Variants in ERBB2 observed in about 807,000 individuals in gnomAD.
The protein encoded by ERBB2 is erb-b2 receptor tyrosine kinase 2.
In ERBB2, 61 loss-of-function variants were observed where a neutral mutation model predicts 149.0. The observed-to-expected ratio is 0.41, with a 90% CI of 0.33 to 0.51. The LOEUF (loss-of-function observed/expected upper bound fraction) is 0.51, where lower values mean the gene tolerates loss of function less well. Among genes scored for constraint, ERBB2 ranks in the 20% least tolerant of loss-of-function variants. The pLI is 0.25. For synonymous variants in ERBB2, 633 were observed against 678.8 expected, an observed-to-expected ratio of 0.93 and a Z score of 1.05; for missense variants, 1,205 against 1,655.1, an observed-to-expected ratio of 0.73 and a Z score of 4.72.
Position 39,725,267 on chromosome 17 carries a change from C to T in ERBB2, c.2650-60C>T, listed in dbSNP as rs1567913739. On this transcript the variant is annotated intron_variant, in intron 21 of 26. Coordinates refer to ENST00000269571, the MANE Select transcript of ERBB2 (RefSeq NM_004448.4). This position sits in a 1 kb window ranked among gnomAD's most constrained non-coding sequence, Gnocchi z 4.6. ...GAGTGGTGTCTAGCCCATGGGAGAA[C>T]TCTGAGTGGCCACCTCCCCACAACA... 2.5e-6 allele frequency: 4 copies of T among 1,613,180 alleles called. No homozygotes were observed. Among genetic ancestry groups the T allele is most frequent in the Non-Finnish European group, 3.4e-6 (4 of 1,179,284 alleles).
rs2145650942 is a variant in ERBB2 at position 39,715,745 on chromosome 17, C to T, written c.1319C>T (p.Ala440Val). The change falls in exon 12 of 27, where the codon GCC becomes GTC. Residue 440 changes from alanine (A) to valine (V), a missense_variant. Physicochemically the swap from Ala to Val is moderately conservative, Grantham distance 64 (BLOSUM62 0). Transcript: ENST00000269571. ...VIRGRILHNGAYSLTLQGLGI... is the reference protein window; with the variant it reads ...VIRGRILHNGVYSLTLQGLGI... ...TGCCCACCTTTCTCCCATAGTGGCG[C>T]CTACTCGCTGACCCTGCAAGGGCTG... The T allele has an allele frequency of 6.2e-7, 1 of 1,606,244 alleles. No individual in the cohort carries two copies. The highest frequency in any genetic ancestry group is 8.5e-7 in the Non-Finnish European group (1 of 1,179,980).
At chr17:39,700,430 T>C in intron 1 of ERBB2, 119 bp downstream of exon 1, 1 of 852,276 alleles carries the variant, frequency 1.2e-6, no homozygotes. Flanking sequence ...TATCCCGAAG[T>C]TGTGGACAGT....
In ERBB2 at chr17:39,717,309, GC is replaced by G. The variant is rs200189245; in HGVS notation, c.1738-3del. On this transcript the variant is annotated splice_polypyrimidine_tract_variant and intron_variant, in intron 14 of 26. Coordinates refer to ENST00000269571, the MANE Select transcript of ERBB2 (RefSeq NM_004448.4). ...TGCCAGCCCCCCACAAATCTTTTCT[GC>G]CCCCCCCAGGAGGCTGACCAGTGTG... 8.7e-5 allele frequency: 138 copies of G among 1,581,818 alleles called. 1 individual carries two copies. Among genetic ancestry groups the G allele is most frequent in the Middle Eastern group, 2.3e-4 (1 of 4,398 alleles).
At chr17:39,719,582 G>A (rs909922712) in intron 15 of ERBB2, among the ~76,000 whole-genome samples, 11 of 152,244 alleles carry the variant, frequency 7.2e-5, no homozygotes, top group Admixed American at 5.2e-4. Flanking sequence ...CTGCAGGGGA[G>A]CGGGGCATGC....
chr17:39,715,695 G>T (rs2145647864), intron 11 of ERBB2, 45 bp from the exon 12 acceptor site: 2 of 1,598,256 alleles, frequency 1.3e-6, no homozygotes, highest in South Asian at 2.2e-5. Flanking sequence ...AGCCTTTGCT[G>T]ACCGGGAAGG....
Position 39,712,433 on chromosome 17 carries a change from C to T in ERBB2, c.1133C>T (p.Pro378Leu), listed in dbSNP as rs758210687. ...KKIFGSLAFLPESFDGDPASN... is the reference protein window; with the variant it reads ...KKIFGSLAFLLESFDGDPASN... ...ATCTTTGGGAGCCTGGCATTTCTGCCGGAGAGCTTTGATGGGTAAGAGTGG... is the reference window on the plus strand; with the variant it reads ...ATCTTTGGGAGCCTGGCATTTCTGCTGGAGAGCTTTGATGGGTAAGAGTGG... The change falls in exon 9 of 27, where the codon CCG (proline) becomes CTG (leucine). Residue 378 changes from proline (P) to leucine (L), a missense_variant. Physicochemically the swap from Pro to Leu is moderately conservative, Grantham distance 98. Around this residue, in one of 6 missense-constraint regions of ERBB2, gnomAD observed 569 missense variants for 803.5 expected, o/e 0.71. Transcript: ENST00000269571. 1.9e-5 allele frequency: 31 copies of T among 1,613,674 alleles called. No individual in the cohort carries two copies. The highest frequency in any genetic ancestry group is 1.6e-4 in the East Asian group (7 of 44,886).
chr17:39,708,037 C>T, intron 2 of ERBB2: 1 of 345,946 alleles, frequency 2.9e-6, no homozygotes, highest in Non-Finnish European at 5.3e-6. Context: ...CCATCCAGGC[C>T]TTTGCTTTCA....
intron 15 of ERBB2, among the ~76,000 whole-genome samples, chr17:39,719,178 T>C (rs188489341): frequency 2.6e-5 from 4 of 152,132 alleles, no homozygotes; most frequent in Non-Finnish European, 5.9e-5. Context: ...GGAGAATTGC[T>C]TGAACCTGGG....
At chr17:39,708,581 AC>A in intron 3 of ERBB2, 47 bp downstream of exon 3, 1 of 1,457,740 alleles carries the variant, frequency 6.9e-7, no homozygotes, top group Admixed American at 1.7e-5. Flanking sequence ...TTCAGAGCTG[AC>A]CAGGGCCACT....
chr17:39,703,351 T>A (rs1049021394), intron 1 of ERBB2: 1 of 152,242 alleles, frequency 6.6e-6, no homozygotes, highest in Non-Finnish European at 1.5e-5. Context: ...CCTCCACCTG[T>A]GAGAAGCCCC....
intron 15 of ERBB2, among the ~76,000 whole-genome samples, chr17:39,718,756 C>T (rs2059290263): frequency 6.6e-6 from 1 of 151,626 alleles, no homozygotes; most frequent in Non-Finnish European, 1.5e-5. Flanking sequence ...TTTTTAATTA[C>T]TCAACCTGTA....
intron 14 of ERBB2, 60 bp from the exon 15 acceptor site, chr17:39,717,260 A>T (rs2145702529): frequency 1.4e-6 from 2 of 1,437,116 alleles, no homozygotes; most frequent in Non-Finnish European, 1.9e-6. Flanking sequence ...TAAGGGCCTG[A>T]TCCTACTGCC....
At chr17:39,691,642 A>G (rs1449560649), upstream of ERBB2, among the ~76,000 whole-genome samples, 6 of 149,082 alleles carry the variant, frequency 4.0e-5, no homozygotes, top group East Asian at 1.2e-3. Flanking sequence ...GTATACCTAC[A>G]TAAGCTCCAG....
rs2145523546 is a variant in ERBB2 at position 39,710,449 on chromosome 17, C to T, written c.869C>T (p.Thr290Ile). Reference protein sequence around the residue: ...ESMPNPEGRYTFGASCVTACP... With the variant: ...ESMPNPEGRYIFGASCVTACP... ...ATGCCCAATCCCGAGGGCCGGTATA[C>T]ATTCGGCGCCAGCTGTGTGACTGCC... The change falls in exon 7 of 27, where the codon ACA (threonine) becomes ATA (isoleucine). Residue 290 changes from threonine (T) to isoleucine (I), a missense_variant. Physicochemically the swap from Thr to Ile is moderately conservative, Grantham distance 89. Coordinates refer to ENST00000269571, the MANE Select transcript of ERBB2 (RefSeq NM_004448.4). 2 of 1,614,050 alleles carry T rather than the reference C, an allele frequency of 1.2e-6. No homozygotes were observed. Among genetic ancestry groups the T allele is most frequent in the East Asian group, 2.2e-5 (1 of 44,888 alleles).
At chr17:39,706,752 T>C (rs1355764349) in intron 1 of ERBB2, 1 of 372,546 alleles carries the variant, frequency 2.7e-6, no homozygotes, top group Admixed American at 4.6e-5. Flanking sequence ...AGCCTCTGAA[T>C]GCACAGGGTG....
chr17:39,704,846 A>G (rs2058332159), intron 1 of ERBB2, among the ~76,000 whole-genome samples: 1 of 152,268 alleles, frequency 6.6e-6, no homozygotes, highest in African/African-American at 2.4e-5. Flanking sequence ...CTGACCCTCC[A>G]GCCCAACCCA....
Position 39,709,440 on chromosome 17 carries a change from C to T in ERBB2, c.562C>T (p.Arg188Cys), listed in dbSNP as rs765706190. ...QLALTLIDTN[R>C]SRACHPCSPM... ...GGCTCTCACACTGATAGACACCAAC[C>T]GCTCTCGGGCCTGTAAGCCATGCCC... The change falls in exon 4 of 27, where the codon CGC becomes TGC. Residue 188 changes from arginine (R) to cysteine (C), a missense_variant. Arg to Cys is a radical substitution (Grantham distance 180). Coordinates refer to ENST00000269571, the MANE Select transcript of ERBB2 (RefSeq NM_004448.4). 30 of 1,614,046 alleles carry T rather than the reference C, an allele frequency of 1.9e-5. No homozygotes were observed. Among genetic ancestry groups the T allele is most frequent in the Middle Eastern group, 1.6e-4 (1 of 6,082 alleles).
intron 9 of ERBB2, 68 bp from the exon 10 acceptor site, chr17:39,715,218 A>G: frequency 3.0e-6 from 4 of 1,339,478 alleles, no homozygotes; most frequent in Non-Finnish European, 4.2e-6. Context: ...AGTGGCTGGC[A>G]TGGCCAGTGC....
intron 16 of ERBB2, among the ~76,000 whole-genome samples, chr17:39,720,603 GA>G (rs1265245488): frequency 6.6e-6 from 1 of 152,142 alleles, no homozygotes; most frequent in African/African-American, 2.4e-5. Context: ...AGGGTGACAA[GA>G]ATATTGGATC....
Sources: allele counts gnomAD v4.1 joint callset (sites outside exome capture counted in the v4.1 genomes callset), GRCh38; gene constraint gnomAD v4.1.1; regional missense constraint gnomAD v4.1.1; non-coding constraint Gnocchi (gnomAD v3.1); transcripts MANE v1.5; gene names NCBI Gene and HGNC (gene_info 2026-07-23, HGNC 2026-07-21).